Variants in RNLS observed in about 807,000 individuals in gnomAD.
The protein encoded by RNLS is renalase.
In RNLS, 39 loss-of-function variants were observed where a neutral mutation model predicts 39.8. The ratio of observed to expected loss-of-function variants is 0.98; its 90% CI spans 0.76 to 1.28. The LOEUF is 1.28. Among genes scored for constraint, RNLS ranks in the 50% most tolerant of loss-of-function variants. The pLI is 0.00. For synonymous variants in RNLS, 147 were observed against 150.7 expected (o/e 0.98, Z 0.18); for missense variants, 410 against 413.3 (o/e 0.99, Z 0.07).
At chr10:88,448,904 G>T (rs1564807940) in intron 4 of RNLS, among the ~76,000 whole-genome samples, 2 of 152,016 alleles carry the variant, frequency 1.3e-5, no homozygotes, top group African/African-American at 2.4e-5. Flanking sequence ...GCAAAGACAA[G>T]AGCCAAACAC....
At chr10:88,419,345 C>T (rs1854236261) in intron 4 of RNLS, among the ~76,000 whole-genome samples, 1 of 152,160 alleles carries the variant, frequency 6.6e-6, no homozygotes, top group Admixed American at 6.5e-5. Context: ...AGAATTCTGT[C>T]TTAGAGATCA....
At chr10:88,493,505 C>T (rs1589891136) in intron 4 of RNLS, among the ~76,000 whole-genome samples, 2 of 152,024 alleles carry the variant, frequency 1.3e-5, no homozygotes, top group South Asian at 4.2e-4. Context: ...CAGCAAATTG[C>T]CCTCTCCTAG....
At chr10:88,187,903 G>A in the RNLS span, among the ~76,000 whole-genome samples, 18 of 152,234 alleles carry the variant, frequency 1.2e-4, no homozygotes, top group Middle Eastern at 6.8e-3. Context: ...AATAGTAGAC[G>A]TTTAGTATTA....
chr10:88,498,511 C>T (rs1254271828), intron 4 of RNLS, among the ~76,000 whole-genome samples: 1 of 147,856 alleles, frequency 6.8e-6, no homozygotes, highest in Non-Finnish European at 1.5e-5. Flanking sequence ...AAGGGCATTA[C>T]TGAGACAACT....
At chr10:88,227,606 T>C in the RNLS span, among the ~76,000 whole-genome samples, 1 of 152,218 alleles carries the variant, frequency 6.6e-6, no homozygotes, top group African/African-American at 2.4e-5. Flanking sequence ...ATAGCTAATT[T>C]AGTTAAAGGA....
At chr10:88,240,714 C>G in the RNLS span, among the ~76,000 whole-genome samples, 3 of 152,076 alleles carry the variant, frequency 2.0e-5, no homozygotes, top group African/African-American at 7.2e-5. Context: ...TTTTCTCCAG[C>G]CTTTGACATC....
At chr10:88,233,136 G>A in the RNLS span, among the ~76,000 whole-genome samples, 786 of 152,214 alleles carry the variant, frequency 5.2e-3, 5 homozygotes, top group African/African-American at 0.018. Context: ...CCACCACACC[G>A]CCTCCACAGT....
intron 4 of RNLS, among the ~76,000 whole-genome samples, chr10:88,379,188 G>A (rs910179414): frequency 6.6e-6 from 1 of 152,190 alleles, no homozygotes; most frequent in African/African-American, 2.4e-5. Context: ...ATGTTGTTGT[G>A]TGGCACTTGA....
At chr10:88,477,916 G>A (rs1843911867) in intron 4 of RNLS, among the ~76,000 whole-genome samples, 1 of 152,176 alleles carries the variant, frequency 6.6e-6, no homozygotes, top group African/African-American at 2.4e-5. Flanking sequence ...AATACTAGCT[G>A]GAGGTTCACA....
intron 4 of RNLS, among the ~76,000 whole-genome samples, chr10:88,407,541 T>C (rs1205738188): frequency 6.6e-6 from 1 of 151,620 alleles, no homozygotes; most frequent in Non-Finnish European, 1.5e-5. Context: ...CTAATTATCA[T>C]GAGAAAAAAA....
chr10:88,262,602 C>T, the RNLS span, among the ~76,000 whole-genome samples: 1 of 152,130 alleles, frequency 6.6e-6, no homozygotes, highest in Non-Finnish European at 1.5e-5. Context: ...ATGATAATGA[C>T]TAAAGAAGTA....
chr10:88,182,912 A>T, the RNLS span, among the ~76,000 whole-genome samples: 1 of 152,132 alleles, frequency 6.6e-6, no homozygotes, highest in Non-Finnish European at 1.5e-5. Flanking sequence ...ATTGGGAGTT[A>T]GACAGACTGG....
intron 3 of RNLS, 30 bp from the exon 4 acceptor site, chr10:88,573,091 T>G (rs1849954077): frequency 6.2e-7 from 1 of 1,607,634 alleles, no homozygotes; most frequent in Non-Finnish European, 8.5e-7. Flanking sequence ...ATGTCCCCAT[T>G]ATCAGAATTG....
intron 4 of RNLS, among the ~76,000 whole-genome samples, chr10:88,529,285 A>G (rs1454519407): frequency 1.3e-5 from 2 of 152,140 alleles, no homozygotes; most frequent in Admixed American, 1.3e-4. Flanking sequence ...TCCCTACCAT[A>G]AATTGTATAG....
intron 4 of RNLS, among the ~76,000 whole-genome samples, chr10:88,541,807 A>G (rs999213309): frequency 6.6e-6 from 1 of 152,164 alleles, no homozygotes; most frequent in Non-Finnish European, 1.5e-5. Flanking sequence ...AGTGTAGGAT[A>G]CAAACAAGGA....
At chr10:88,460,447 G>A (rs898142276) in intron 4 of RNLS, among the ~76,000 whole-genome samples, 2 of 152,046 alleles carry the variant, frequency 1.3e-5, no homozygotes, top group African/African-American at 4.8e-5. Context: ...GGCCTTCCCA[G>A]ATTATCCACC....
chr10:88,583,155 T>C lies in RNLS; in HGVS notation c.36A>G (p.Thr12=), dbSNP rs776273868. ...AQVLIVGAGM[T]GSLCAALLRR... is the part of the protein sequence containing the mutation. The stretch of plus-strand genomic sequence containing the variant: ...TCAGCAGCGCAGCGCACAAGCTTCC[T>C]GTCATCCCGGCGCCCACGATCAGCA... Residue 12 remains threonine, a synonymous_variant, in exon 1 of 7, where the codon ACA becomes ACG. Transcript: ENST00000331772. 1.9e-6 allele frequency: 3 copies of C among 1,614,054 alleles called. No homozygotes were observed. The highest frequency in any genetic ancestry group is 1.6e-4 in the Middle Eastern group (1 of 6,062).
the RNLS span, among the ~76,000 whole-genome samples, chr10:88,193,438 A>G: frequency 5.3e-5 from 8 of 152,022 alleles, no homozygotes; most frequent in Non-Finnish European, 1.2e-4. Flanking sequence ...TCTCCCTCAC[A>G]TACCAATGAA....
At chr10:88,570,227 T>C (rs930796708) in intron 4 of RNLS, among the ~76,000 whole-genome samples, 43 of 152,292 alleles carry the variant, frequency 2.8e-4, no homozygotes, top group African/African-American at 8.7e-4. Flanking sequence ...CAGATTTACA[T>C]AAAAAGCATT....
Sources: allele counts gnomAD v4.1 joint callset (sites outside exome capture counted in the v4.1 genomes callset), GRCh38; gene constraint gnomAD v4.1.1; transcripts MANE v1.5; gene names NCBI Gene and HGNC (gene_info 2026-07-23, HGNC 2026-07-21).